Variants in LYRM7 observed in about 807,000 individuals in gnomAD.
LYRM7 encodes the protein LYR motif containing 7.
In LYRM7, 9 loss-of-function variants were observed where a neutral mutation model predicts 15.8. The observed-to-expected ratio is 0.57, with a 90% confidence interval of 0.34 to 0.99. LYRM7 has a LOEUF of 0.99. Among genes scored for constraint, LYRM7 ranks in the 50% least tolerant of loss-of-function variants. The pLI is 0.02. For missense variants in LYRM7, 115 were observed against 119.1 expected (o/e 0.97, Z 0.16); for synonymous variants, 39 against 39.4 (o/e 0.99, Z 0.04).
At chr5:131,185,444 G>C (rs1755783009) in intron 3 of LYRM7, among the ~76,000 whole-genome samples, 1 of 152,100 alleles carries the variant, frequency 6.6e-6, no homozygotes, top group Non-Finnish European at 1.5e-5. Context: ...GCTTCGTTTA[G>C]GTAGACCAGT....
intron 1 of LYRM7, among the ~76,000 whole-genome samples, chr5:131,179,473 C>CAT (rs1561543563): frequency 1.4e-5 from 1 of 73,152 alleles, no homozygotes; most frequent in African/African-American, 5.1e-5. Flanking sequence ...TTTTTTTTTT[C>CAT]TTTTTTTTTT....
chr5:131,181,275 G>GGAAAAAAAAAA (rs1755686832), intron 2 of LYRM7, among the ~76,000 whole-genome samples: 2 of 8,336 alleles, frequency 2.4e-4, no homozygotes, highest in African/African-American at 5.3e-4. Context: ...GACTCCATCT[G>GGAAAAAAAAAA]AAAAAAAAAA....
intron 4 of LYRM7, among the ~76,000 whole-genome samples, chr5:131,198,587 G>T (rs377520855): frequency 1.8e-4 from 28 of 151,984 alleles, no homozygotes; most frequent in African/African-American, 6.5e-4. Flanking sequence ...TTTTGAGGTG[G>T]ACTGCCACTG....
chr5:131,181,376 TATATA>T (rs1414584246), intron 2 of LYRM7, among the ~76,000 whole-genome samples: 41 of 91,386 alleles, frequency 4.5e-4, no homozygotes, highest in African/African-American at 2.1e-4. Context: ...TATATATGTA[TATATA>T]ATATATACAT....
rs562246366 is a variant in LYRM7, at chr5:131,205,008, A to T, written c.*5407A>T. On this transcript the variant is annotated 3_prime_UTR_variant, in exon 5 of 5. Transcript: ENST00000379380. Reference sequence around the variant, plus strand: ...CAATAAGCTACTAGTGATTTTTAATATAAAATTAACTATAAAATATTTTAA... The same window carrying T: ...CAATAAGCTACTAGTGATTTTTAATTTAAAATTAACTATAAAATATTTTAA... The T allele has an allele frequency of 6.5e-4, 99 of 152,312 alleles. No homozygotes were observed. The highest frequency in any genetic ancestry group is 2.2e-3 in the African/African-American group (92 of 41,572). The allele number at this position is 152,312 out of a possible 1,614,324, so 9.4% of individuals were successfully genotyped here. A position where few individuals can be genotyped will look rare whatever the true frequency, so the allele number is the denominator to read the frequency against.
chr5:131,197,527 GTGT>G (rs1385331086), intron 4 of LYRM7, among the ~76,000 whole-genome samples: 1 of 134,376 alleles, frequency 7.4e-6, no homozygotes, highest in Non-Finnish European at 1.6e-5. Context: ...ATTTGTTTTA[GTGT>G]TGTCTTCTGT....
intron 1 of LYRM7, among the ~76,000 whole-genome samples, chr5:131,178,955 C>A (rs1345574947): frequency 7.7e-6 from 1 of 130,618 alleles, no homozygotes; most frequent in African/African-American, 3.2e-5. Context: ...AGGTGAGACT[C>A]CGTCTCAAAA....
intron 1 of LYRM7, among the ~76,000 whole-genome samples, chr5:131,174,891 C>T (rs909902814): frequency 6.6e-6 from 1 of 152,054 alleles, no homozygotes; most frequent in African/African-American, 2.4e-5. Context: ...CCTTGACCTG[C>T]GGGGCTGCAA....
At chr5:131,171,066 C>A (rs769371327) in intron 1 of LYRM7, 28 bp downstream of exon 1, 13 of 1,513,314 alleles carry the variant, frequency 8.6e-6, no homozygotes, top group Middle Eastern at 1.7e-4. Context: ...GGGGTGGGTA[C>A]GATGCCGTCG....
chr5:131,181,542 G>A (rs113018492), intron 2 of LYRM7, among the ~76,000 whole-genome samples: 10,893 of 145,272 alleles, frequency 0.075, 1,149 homozygotes, highest in African/African-American at 0.24. Flanking sequence ...TTATCAACAT[G>A]GAATATTTTT....
chr5:131,195,372 A>C (rs1755948053), intron 4 of LYRM7, among the ~76,000 whole-genome samples: 1 of 152,210 alleles, frequency 6.6e-6, no homozygotes, highest in African/African-American at 2.4e-5. Flanking sequence ...CTTTGCTAAA[A>C]GGCACAATTC....
chr5:131,199,522 T>G lies in LYRM7; in HGVS notation c.245-9T>G. On this transcript the variant is annotated splice_polypyrimidine_tract_variant and intron_variant, in intron 4 of 4. Transcript: ENST00000379380. The stretch of plus-strand genomic sequence containing the variant: ...ATGTTAATTATTCTCTTTTTTTTTT[T>G]TCTTTCAGAACTGGTCCCTAGGAAA... The G allele has an allele frequency of 6.4e-7, 1 of 1,566,646 alleles. No homozygotes were observed. Among genetic ancestry groups the G allele is most frequent in the Non-Finnish European group, 8.6e-7 (1 of 1,158,620 alleles).
intron 1 of LYRM7, among the ~76,000 whole-genome samples, chr5:131,178,567 G>C (rs1213798478): frequency 1.3e-5 from 2 of 152,098 alleles, no homozygotes; most frequent in Non-Finnish European, 2.9e-5. Context: ...TTCACAATCT[G>C]TCTTTTACCA....
Position 131,179,148 on chromosome 5 carries a change from G to A in LYRM7, c.19-947G>A, listed in dbSNP as rs114974250. On this transcript the variant is annotated intron_variant, in intron 1 of 4. Coordinates refer to ENST00000379380, the MANE Select transcript of LYRM7 (RefSeq NM_181705.4). ...ATGAGAACAGATACATACCAGACTG[G>A]TAAAGTAGCAGACTGGTTTTTAGCA... Among the ~76,000 whole-genome samples the A allele has an allele frequency of 1.7e-3, 255 of 152,134 alleles. 1 individual carries two copies. The highest frequency in any genetic ancestry group is 0.01 in the Middle Eastern group (3 of 294).
At chr5:131,192,817 A>G (rs1305232815) in intron 4 of LYRM7, among the ~76,000 whole-genome samples, 1 of 152,164 alleles carries the variant, frequency 6.6e-6, no homozygotes, top group Admixed American at 6.6e-5. Flanking sequence ...TATGAGTTAG[A>G]AAAATACTCA....
chr5:131,176,769 A>G (rs1379876856), intron 1 of LYRM7, among the ~76,000 whole-genome samples: 1 of 152,112 alleles, frequency 6.6e-6, no homozygotes, highest in Non-Finnish European at 1.5e-5. Context: ...TCTATCCACA[A>G]AGGCGTACCC....
At chr5:131,190,549 G>T (rs1755869716) in intron 4 of LYRM7, among the ~76,000 whole-genome samples, 1 of 150,388 alleles carries the variant, frequency 6.6e-6, no homozygotes, top group African/African-American at 2.5e-5. Flanking sequence ...GGTGTACAGT[G>T]GCATGATTTC....
chr5:131,205,315 A>C lies in LYRM7; in HGVS notation c.*5714A>C, dbSNP rs1470303945. The C allele has an allele frequency of 2.0e-5, 3 of 152,254 alleles. No homozygotes were observed. Among genetic ancestry groups the C allele is most frequent in the Non-Finnish European group, 2.9e-5 (2 of 68,048 alleles). 9.4% of individuals were successfully genotyped at this position (152,254 alleles called of 1,614,324 possible). ...TGGCGTTATGCTCCATGTATTCTGCAACTTTTCATCATACATTAGGTTTTG... is the reference window on the plus strand; with the variant it reads ...TGGCGTTATGCTCCATGTATTCTGCCACTTTTCATCATACATTAGGTTTTG... On this transcript the variant is annotated 3_prime_UTR_variant, in exon 5 of 5. Transcript: ENST00000379380.
intron 1 of LYRM7, among the ~76,000 whole-genome samples, chr5:131,179,348 A>G (rs1284317415): frequency 6.6e-6 from 1 of 152,154 alleles, no homozygotes; most frequent in African/African-American, 2.4e-5. Context: ...AGTCTATGAA[A>G]CAAACAGAAA....
Sources: allele counts gnomAD v4.1 joint callset (sites outside exome capture counted in the v4.1 genomes callset), GRCh38; gene constraint gnomAD v4.1.1; transcripts MANE v1.5; gene names NCBI Gene and HGNC (gene_info 2026-07-23, HGNC 2026-07-21).